The following DOT1L variants were observed in gnomAD, a reference collection of about 807,000 sequenced individuals.
The protein encoded by DOT1L is histone-lysine N-methyltransferase, H3 lysine-79 specific.
A neutral mutation model predicts 153.3 loss-of-function variants in DOT1L; 33 were observed. The ratio of observed to expected loss-of-function variants is 0.22; its 90% CI spans 0.16 to 0.29. The LOEUF is 0.29. Among genes scored for constraint, DOT1L ranks in the 10% least tolerant of loss-of-function variants. The probability of loss-of-function intolerance (pLI) is 1.00; values close to 1 mark genes in which losing one functional copy is unlikely to be tolerated. For missense variants in DOT1L, 1,847 were observed against 2,119.9 expected, an observed-to-expected ratio of 0.87 and a Z score of 2.53; for synonymous variants, 1,135 against 965.1, an observed-to-expected ratio of 1.18 and a Z score of -3.26.
rs567961983 is a variant in DOT1L at position 2,232,056 on chromosome 19, C to T, written c.*2264C>T. The T allele has an allele frequency of 3.9e-4, 80 of 205,586 alleles. No individual in the cohort carries two copies. Among genetic ancestry groups the T allele is most frequent in the Non-Finnish European group, 6.7e-4 (67 of 100,486 alleles). 12.7% of individuals were successfully genotyped at this position (205,586 alleles called of 1,614,324 possible). A position where few individuals can be genotyped will look rare whatever the true frequency, so the allele number is the denominator to read the frequency against. On this transcript the variant is annotated 3_prime_UTR_variant, in exon 28 of 28. Transcript: ENST00000398665. ...TCCCAGACTGAGGGGTGGTGTGTGG[C>T]GGGTGGCAGGGTGGCTGTGGAGACT... is the stretch of plus-strand genomic sequence containing the variant.
intron 19 of DOT1L, 161 bp from the exon 20 acceptor site, chr19:2,216,120 C>A: frequency 9.3e-7 from 1 of 1,072,028 alleles, no homozygotes; most frequent in Non-Finnish European, 1.3e-6. Flanking sequence ...ACGCCCCCAG[C>A]TTCCCGACCC....
In DOT1L at chr19:2,227,882, G is replaced by A. The variant is rs1249853414; in HGVS notation, c.4606+755G>A. 3.9e-6 allele frequency: 5 copies of A among 1,272,818 alleles called. No individual in the cohort carries two copies. In the South Asian group the frequency reaches 5.0e-5, roughly 13 times the overall value. The allele number at this position is 1,272,818 out of a possible 1,614,324, so 78.8% of individuals were successfully genotyped here. A position where few individuals can be genotyped will look rare whatever the true frequency, so the allele number is the denominator to read the frequency against. Reference sequence around the variant, plus strand: ...CCTCGGCCTCTTCCTTTCAGGCCCCGGCCTCGGTTGAGACCCGGCCGCCCC... The same window carrying A: ...CCTCGGCCTCTTCCTTTCAGGCCCCAGCCTCGGTTGAGACCCGGCCGCCCC... On this transcript the variant is annotated intron_variant, in intron 27 of 27. Coordinates refer to ENST00000398665, the MANE Select transcript of DOT1L (RefSeq NM_032482.3).
At chr19:2,200,636 G>C (rs556479121) in intron 8 of DOT1L, among the ~76,000 whole-genome samples, 27 of 152,058 alleles carry the variant, frequency 1.8e-4, no homozygotes, top group Non-Finnish European at 3.8e-4. Context: ...TGCTCCCCCA[G>C]TCCCGCCATC....
intron 3 of DOT1L, among the ~76,000 whole-genome samples, chr19:2,187,133 C>T (rs2022548791): frequency 6.6e-6 from 1 of 152,206 alleles, no homozygotes; most frequent in African/African-American, 2.4e-5. Context: ...CCCAGGAGCC[C>T]CCCACAAGTC....
At position 2,231,964 on chromosome 19, in the gene DOT1L, C is replaced by G. The variant is rs1215096468; in HGVS notation, c.*2172C>G. 3 of 211,768 alleles carry G rather than the reference C, an allele frequency of 1.4e-5. No homozygotes were observed. The Admixed American group carries it at 1.8e-4, about 12-fold the overall frequency. 13.1% of individuals were successfully genotyped at this position (211,768 alleles called of 1,614,324 possible). On this transcript the variant is annotated 3_prime_UTR_variant, in exon 28 of 28. Transcript: ENST00000398665. ...TCATATGCGTGTCACCACACGTGAA[C>G]TAGTGTGGTGGCTGCCTGCGGACAC...
intron 27 of DOT1L, chr19:2,227,952 C>G: frequency 8.1e-7 from 1 of 1,240,930 alleles, no homozygotes; most frequent in Non-Finnish European, 1.0e-6. Flanking sequence ...GCCTGCGCAC[C>G]TGGGCCGGTC....
chr19:2,199,636 C>T (rs1292183705), intron 7 of DOT1L, among the ~76,000 whole-genome samples: 1 of 152,204 alleles, frequency 6.6e-6, no homozygotes, highest in Non-Finnish European at 1.5e-5. Flanking sequence ...CTGGCCTCCC[C>T]AAGCGGATGC....
rs959620268 is a variant in DOT1L, at chr19:2,191,424, C to T, written c.493+184C>T. ...CCTTTCCCCAGCCCTGACCGGGCTC[C>T]ACCCAGAGGGGAGAAATCGCAGGAA... On this transcript the variant is annotated intron_variant, in intron 5 of 27. Coordinates refer to ENST00000398665, the MANE Select transcript of DOT1L (RefSeq NM_032482.3). This position sits in a 1 kb window ranked among gnomAD's most constrained non-coding sequence, Gnocchi z 6.8. The T allele has an allele frequency of 6.0e-5, 39 of 646,250 alleles. No homozygotes were observed. Among genetic ancestry groups the T allele is most frequent in the Non-Finnish European group, 8.7e-5 (33 of 377,630 alleles). The allele number at this position is 646,250 out of a possible 1,614,324, so 40.0% of individuals were successfully genotyped here. A position where few individuals can be genotyped will look rare whatever the true frequency, so the allele number is the denominator to read the frequency against.
At position 2,191,180 on chromosome 19, in the gene DOT1L, G is replaced by A; in HGVS notation, c.433G>A (p.Ala145Thr). 2 of 1,613,788 alleles carry A rather than the reference G, an allele frequency of 1.2e-6. No homozygotes were observed. Among genetic ancestry groups the A allele is most frequent in the Non-Finnish European group, 1.7e-6 (2 of 1,179,974 alleles). The change falls in exon 5 of 28, where the codon GCC becomes ACC. Residue 145 changes from alanine (A) to threonine (T), a missense_variant. This residue lies in a region of DOT1L where 148 missense variants were observed against 422.3 expected (regional missense o/e 0.35). Coordinates refer to ENST00000398665, the MANE Select transcript of DOT1L (RefSeq NM_032482.3). The surrounding 1 kb of genome is among the most constrained non-coding windows in gnomAD (Gnocchi z 6.8). ...CGGGGAGACCTCCTTCGACCTGGTG[G>A]CCCAGATGATTGATGAGATCAAGAT... is the stretch of plus-strand genomic sequence containing the variant. Reference protein sequence around the residue: ...VYGETSFDLVAQMIDEIKMTD... With the variant: ...VYGETSFDLVTQMIDEIKMTD...
chr19:2,229,355 TC>T, intron 27 of DOT1L: 1 of 985,416 alleles, frequency 1.0e-6, no homozygotes, highest in Non-Finnish European at 1.2e-6. Flanking sequence ...ACACAGGCCT[TC>T]CTGGGCGAGT....
chr19:2,227,759 C>A, intron 27 of DOT1L: 1 of 1,319,740 alleles, frequency 7.6e-7, no homozygotes, highest in African/African-American at 1.5e-5. Flanking sequence ...ACGCGGTGCC[C>A]TCCGCCTCTG....
rs942582678 is a variant in DOT1L at position 2,228,662 on chromosome 19, C to T, written c.4607-1123C>T. 68 of 985,410 alleles carry T rather than the reference C, an allele frequency of 6.9e-5. No homozygotes were observed. The Admixed American group carries it at 9.2e-4, about 13-fold the overall frequency. The allele number at this position is 985,410 out of a possible 1,614,324, so 61.0% of individuals were successfully genotyped here. ...AGCCCTGGGGGCAGCTGTGCCAGCCCCTGTGGGCGAGGCTCACGGGGTGCC... is the reference window on the plus strand; with the variant it reads ...AGCCCTGGGGGCAGCTGTGCCAGCCTCTGTGGGCGAGGCTCACGGGGTGCC... On this transcript the variant is annotated intron_variant, in intron 27 of 27. Transcript: ENST00000398665.
intron 6 of DOT1L, among the ~76,000 whole-genome samples, 176 bp from the exon 7 acceptor site, chr19:2,194,339 T>G (rs1167194476): frequency 6.6e-6 from 1 of 151,802 alleles, no homozygotes; most frequent in East Asian, 1.9e-4. Flanking sequence ...CCCAGCTAAT[T>G]TTTTTGTATT....
intron 8 of DOT1L, 85 bp from the exon 9 acceptor site, chr19:2,202,615 C>T (rs1168996179): frequency 1.5e-5 from 21 of 1,384,738 alleles, no homozygotes; most frequent in East Asian, 2.3e-5. Flanking sequence ...GGCCTAGCAC[C>T]GACAGCAGCG....
intron 27 of DOT1L, 101 bp downstream of exon 27, chr19:2,227,228 C>A: frequency 6.9e-7 from 1 of 1,459,424 alleles, no homozygotes; most frequent in Non-Finnish European, 9.5e-7. Context: ...AGGAGCTGAG[C>A]TGCAGGTCCC....
chr19:2,175,728 G>C (rs2021896390), intron 1 of DOT1L, among the ~76,000 whole-genome samples: 1 of 152,128 alleles, frequency 6.6e-6, no homozygotes, highest in Non-Finnish European at 1.5e-5. Context: ...TACTCAGGAG[G>C]CTGAGACGGG....
At chr19:2,212,251 C>G (rs1051101635) in intron 16 of DOT1L, 2 of 155,930 alleles carry the variant, frequency 1.3e-5, no homozygotes, top group Non-Finnish European at 2.8e-5. Flanking sequence ...CAAACTCCGC[C>G]TCCCGGGTTC....
At chr19:2,171,497 G>C (rs1856675326) in intron 1 of DOT1L, among the ~76,000 whole-genome samples, 1 of 152,178 alleles carries the variant, frequency 6.6e-6, no homozygotes, top group Non-Finnish European at 1.5e-5. Flanking sequence ...CACCGGGGTG[G>C]GGGAAGCCCA....
chr19:2,229,054 C>T (rs1568377396), intron 27 of DOT1L: 3 of 985,458 alleles, frequency 3.0e-6, no homozygotes, highest in Non-Finnish European at 1.2e-6. Flanking sequence ...TCATGGCCCA[C>T]AGCCGAGGGG....
Sources: gnomAD v4.1 joint callset for allele counts (sites outside exome capture counted in the v4.1 genomes callset) on GRCh38, gnomAD v4.1.1 for gene constraint, gnomAD v4.1.1 regional missense constraint, Gnocchi (gnomAD v3.1) non-coding constraint, MANE v1.5 for transcripts, NCBI Gene and HGNC (gene_info 2026-07-23, HGNC 2026-07-21) for gene names.